The following MOB3B variants were observed in gnomAD, a reference collection of about 807,000 sequenced individuals.
The protein encoded by MOB3B is MOB kinase activator-like 2B.
In MOB3B, 7 loss-of-function variants were observed where a neutral mutation model predicts 18.7. The observed-to-expected ratio is 0.37, with a 90% CI of 0.21 to 0.70. The LOEUF (loss-of-function observed/expected upper bound fraction) is 0.70. Ranked by LOEUF, MOB3B falls within the 30% of genes least tolerant of loss-of-function variation. The pLI is 0.52. For synonymous variants in MOB3B, 111 were observed against 99.9 expected (o/e 1.11, Z -0.66); for missense variants, 253 against 281.3 (o/e 0.90, Z 0.72).
intron 3 of MOB3B, among the ~76,000 whole-genome samples, chr9:27,336,983 T>C (rs1280264825): frequency 6.6e-6 from 1 of 152,182 alleles, no homozygotes; most frequent in Non-Finnish European, 1.5e-5. Context: ...ACAAAGTGCC[T>C]CCCTGCCCAT....
At chr9:27,366,489 G>A (rs1324588693) in intron 2 of MOB3B, among the ~76,000 whole-genome samples, 2 of 151,952 alleles carry the variant, frequency 1.3e-5, no homozygotes, top group Admixed American at 1.3e-4. Flanking sequence ...AAGAAAATAA[G>A]TTGCCTAAAT....
chr9:27,333,646 T>C (rs1820821107), intron 3 of MOB3B, among the ~76,000 whole-genome samples: 1 of 152,184 alleles, frequency 6.6e-6, no homozygotes, highest in Admixed American at 6.5e-5. Flanking sequence ...GTGCTTGGCT[T>C]GTATATGAAG....
rs1017590022 is a variant in MOB3B, at chr9:27,446,599, T to C, written c.418+8534A>G. Among the ~76,000 whole-genome samples the C allele has an allele frequency of 2.0e-5, 3 of 152,170 alleles. No individual in the cohort carries two copies. The South Asian group carries it at 6.2e-4, about 32-fold the overall frequency. ...TAATTATGGACTTTTGATCCTTAGT[T>C]CTTTCTAACCTTGATTTACCTGATG... On this transcript the variant is annotated intron_variant, in intron 2 of 3. Coordinates refer to ENST00000262244, the MANE Select transcript of MOB3B (RefSeq NM_024761.5).
chr9:27,482,969 C>T (rs10967959), intron 1 of MOB3B, among the ~76,000 whole-genome samples: 28,585 of 151,958 alleles, frequency 0.19, 2,752 homozygotes, highest in South Asian at 0.27. Flanking sequence ...CCTGTCTTAT[C>T]CACTGGAAAA....
chr9:27,456,292 G>C (rs1822869485), intron 1 of MOB3B, among the ~76,000 whole-genome samples: 1 of 152,200 alleles, frequency 6.6e-6, no homozygotes, highest in Non-Finnish European at 1.5e-5. Flanking sequence ...AACTGGGTCT[G>C]GTTGAATCTT....
intron 1 of MOB3B, among the ~76,000 whole-genome samples, chr9:27,456,153 T>A (rs1822867416): frequency 6.6e-6 from 1 of 152,132 alleles, no homozygotes; most frequent in Admixed American, 6.6e-5. Context: ...TCCTTCTAGA[T>A]ACAGATGATG....
chr9:27,341,950 A>G (rs1166172249), intron 3 of MOB3B, among the ~76,000 whole-genome samples: 1 of 152,212 alleles, frequency 6.6e-6, no homozygotes, highest in Non-Finnish European at 1.5e-5. Flanking sequence ...CCCATAAGCT[A>G]AGAGTGGTTT....
At chr9:27,485,012 A>G (rs1819713647) in intron 1 of MOB3B, among the ~76,000 whole-genome samples, 1 of 152,168 alleles carries the variant, frequency 6.6e-6, no homozygotes, top group Admixed American at 6.5e-5. Context: ...CCTTGCCAGT[A>G]TTTTTAAACA....
chr9:27,346,564 T>G (rs2131344335), intron 3 of MOB3B, among the ~76,000 whole-genome samples: 1 of 152,368 alleles, frequency 6.6e-6, no homozygotes, highest in Non-Finnish European at 1.5e-5. Context: ...TCTTCCCTAT[T>G]ATTATATCCT....
At chr9:27,417,962 C>T (rs990580772) in intron 2 of MOB3B, among the ~76,000 whole-genome samples, 1 of 151,712 alleles carries the variant, frequency 6.6e-6, no homozygotes, top group African/African-American at 2.4e-5. Context: ...TGTGGTGGCA[C>T]ACGCCTGTGG....
chr9:27,402,732 A>T (rs1292114909), intron 2 of MOB3B, among the ~76,000 whole-genome samples: 1 of 152,194 alleles, frequency 6.6e-6, no homozygotes, highest in Non-Finnish European at 1.5e-5. Flanking sequence ...TGTTGTGTGG[A>T]CACTATCAGG....
At chr9:27,460,138 T>C (rs1819260001) in intron 1 of MOB3B, among the ~76,000 whole-genome samples, 1 of 152,236 alleles carries the variant, frequency 6.6e-6, no homozygotes, top group Non-Finnish European at 1.5e-5. Flanking sequence ...TGAGGTTAGT[T>C]ATTGACTTTT....
At chr9:27,380,975 A>T (rs1391784524) in intron 2 of MOB3B, among the ~76,000 whole-genome samples, 1 of 152,134 alleles carries the variant, frequency 6.6e-6, no homozygotes, top group Non-Finnish European at 1.5e-5. Context: ...TCATCTGGGG[A>T]ACATCAGTTC....
At chr9:27,439,280 C>T (rs914213624) in intron 2 of MOB3B, among the ~76,000 whole-genome samples, 2 of 152,254 alleles carry the variant, frequency 1.3e-5, no homozygotes, top group Admixed American at 6.5e-5. Context: ...TTATATTGGT[C>T]TGCTCATTTC....
At chr9:27,432,572 G>A (rs962039634) in intron 2 of MOB3B, among the ~76,000 whole-genome samples, 1 of 152,130 alleles carries the variant, frequency 6.6e-6, no homozygotes, top group Non-Finnish European at 1.5e-5. Context: ...TTTGCACACC[G>A]CTGATCCTTA....
At chr9:27,419,735 A>G (rs1822211008) in intron 2 of MOB3B, among the ~76,000 whole-genome samples, 1 of 152,232 alleles carries the variant, frequency 6.6e-6, no homozygotes, top group Non-Finnish European at 1.5e-5. Context: ...CCTTCTAGCC[A>G]TTGGCTTAGG....
rs1448095536 is a variant in MOB3B, at chr9:27,325,363, C to A, written c.*5224G>T. ...TGCTTAATACAATCATAAATGGAAC[C>A]AAAAATATAGTAAACATTTCTTTTT... On this transcript the variant is annotated 3_prime_UTR_variant, in exon 4 of 4. Transcript: ENST00000262244. 6.6e-6 allele frequency: 1 copy of A among 151,864 alleles called. No individual in the cohort carries two copies. Among genetic ancestry groups the A allele is most frequent in the Non-Finnish European group, 1.5e-5 (1 of 67,954 alleles). The allele number at this position is 151,864 out of a possible 1,614,324, so 9.4% of individuals were successfully genotyped here. A position where few individuals can be genotyped will look rare whatever the true frequency, so the allele number is the denominator to read the frequency against.
intron 1 of MOB3B, among the ~76,000 whole-genome samples, chr9:27,488,439 G>A (rs749063430): frequency 4.5e-4 from 69 of 151,936 alleles, no homozygotes; most frequent in African/African-American, 9.4e-4. Flanking sequence ...ATGGTGTCTC[G>A]CTCTGTTGCC....
chr9:27,522,476 T>A (rs1786546443), intron 1 of MOB3B, among the ~76,000 whole-genome samples: 2 of 150,370 alleles, frequency 1.3e-5, no homozygotes, highest in Admixed American at 6.7e-5. Context: ...AAAAGTGGTA[T>A]CAGCCTCTAT....
Sources: allele counts gnomAD v4.1 joint callset (sites outside exome capture counted in the v4.1 genomes callset), GRCh38; gene constraint gnomAD v4.1.1; transcripts MANE v1.5; gene names NCBI Gene and HGNC (gene_info 2026-07-23, HGNC 2026-07-21).